Variants in VWA5A observed in about 807,000 individuals in gnomAD.
The protein encoded by VWA5A is von Willebrand factor A domain containing 5A.
VWA5A carries 77 observed loss-of-function variants against 84.6 expected under a neutral mutation model. That is an observed-to-expected ratio of 0.91 (90% confidence interval 0.76 to 1.10). VWA5A has a LOEUF of 1.10. Ranked by LOEUF, VWA5A falls within the 50% of genes least tolerant of loss-of-function variation. The pLI is 0.00. For synonymous variants in VWA5A, 334 were observed against 350.1 expected (o/e 0.95, Z 0.51); for missense variants, 973 against 963.0 (o/e 1.01, Z -0.14).
chr11:124,127,259 A>G (rs2137642204), intron 11 of VWA5A, among the ~76,000 whole-genome samples: 1 of 152,104 alleles, frequency 6.6e-6, no homozygotes, highest in East Asian at 1.9e-4. Context: ...AAGTGAGAAC[A>G]TGCAGTGTTT....
chr11:124,123,880 G>T, intron 10 of VWA5A, 76 bp downstream of exon 10: 2 of 1,488,564 alleles, frequency 1.3e-6, no homozygotes, highest in Non-Finnish European at 8.9e-7. Context: ...TGAGCTTCAT[G>T]CAGTATGTTG....
rs918398294 is a variant in VWA5A at position 124,146,168 on chromosome 11, C to G, written c.*223C>G. On this transcript the variant is annotated 3_prime_UTR_variant, in exon 19 of 19. Transcript: ENST00000456829. ...AGAAAAGTGACAGTGGTCCCAGAAC[C>G]TATTCCCTTTCTTGAGGGAGTTCAA... The G allele has an allele frequency of 7.0e-6, 3 of 430,960 alleles. No homozygotes were observed. Among genetic ancestry groups the G allele is most frequent in the Non-Finnish European group, 1.2e-5 (3 of 241,788 alleles). The allele number at this position is 430,960 out of a possible 1,614,324, so 26.7% of individuals were successfully genotyped here. A position where few individuals can be genotyped will look rare whatever the true frequency, so the allele number is the denominator to read the frequency against.
chr11:124,136,887 C>G, intron 14 of VWA5A, 128 bp from the exon 15 acceptor site: 1 of 1,337,032 alleles, frequency 7.5e-7, no homozygotes, highest in Non-Finnish European at 1.0e-6. Context: ...TCTAAACCAC[C>G]CAAGTCTTCT....
intron 6 of VWA5A, 37 bp from the exon 7 acceptor site, chr11:124,118,938 G>A: frequency 1.3e-6 from 2 of 1,599,514 alleles, no homozygotes; most frequent in Non-Finnish European, 1.7e-6. Flanking sequence ...AAGAAGTTAT[G>A]ATTCTAATGT....
rs1248821625 is a variant in VWA5A at position 124,122,999 on chromosome 11, A to G, written c.800A>G (p.Tyr267Cys). The G allele has an allele frequency of 1.2e-6, 2 of 1,614,100 alleles. No individual in the cohort carries two copies. The highest frequency in any genetic ancestry group is 1.7e-6 in the Non-Finnish European group (2 of 1,180,026). ...MGDPSAMVSF[Y>C]PNIPEDQPSN... ...GATCCATCTGCAATGGTGAGTTTCT[A>G]TCCAAATATCCCAGAAGATCAACCA... Residue 267 changes from tyrosine (Y) to cysteine (C), a missense_variant, in exon 8 of 19, where the codon TAT (tyrosine) becomes TGT (cysteine). Transcript: ENST00000456829.
At chr11:124,145,154 TG>T in intron 17 of VWA5A, 82 bp from the exon 18 acceptor site, 5 of 1,502,994 alleles carry the variant, frequency 3.3e-6, no homozygotes, top group Non-Finnish European at 4.5e-6. Flanking sequence ...TTTAGAAGGA[TG>T]CTAAGTGAGG....
chr11:124,135,858 C>T (rs1342639036), intron 12 of VWA5A, among the ~76,000 whole-genome samples: 1 of 152,104 alleles, frequency 6.6e-6, no homozygotes, highest in East Asian at 1.9e-4. Flanking sequence ...CTCCTCTTTC[C>T]CAGTAGGTGC....
Position 124,118,468 on chromosome 11 carries a change from C to G in VWA5A, c.469+57C>G. 3 of 1,610,920 alleles carry G rather than the reference C, an allele frequency of 1.9e-6. No homozygotes were observed. The Admixed American group carries it at 5.0e-5, about 27-fold the overall frequency. ...TGGGTGACATAAATGGGGAAATTTT[C>G]TTAAGGTTGAGAGTGTCATAAAAAG... is the stretch of plus-strand genomic sequence containing the variant. On this transcript the variant is annotated intron_variant, in intron 5 of 18. Transcript: ENST00000456829.
chr11:124,145,639 G>A (rs926011211), intron 18 of VWA5A, among the ~76,000 whole-genome samples: 2 of 152,190 alleles, frequency 1.3e-5, no homozygotes, highest in African/African-American at 4.8e-5. Flanking sequence ...ACCAAGCTGA[G>A]TAGAAGACTA....
At chr11:124,137,814 C>A (rs1355820774) in intron 15 of VWA5A, among the ~76,000 whole-genome samples, 1 of 152,186 alleles carries the variant, frequency 6.6e-6, no homozygotes, top group Non-Finnish European at 1.5e-5. Context: ...CTTTCTATCT[C>A]TATACATTTG....
At chr11:124,128,492 A>T (rs536681696) in intron 11 of VWA5A, among the ~76,000 whole-genome samples, 2 of 152,088 alleles carry the variant, frequency 1.3e-5, no homozygotes, top group African/African-American at 4.8e-5. Flanking sequence ...TCTTGGCTAT[A>T]TGGGCTCTTT....
At chr11:124,135,521 T>TC (rs1286249521) in intron 12 of VWA5A, among the ~76,000 whole-genome samples, 1,459 of 136,714 alleles carry the variant, frequency 0.011, 71 homozygotes, top group Middle Eastern at 0.016. Flanking sequence ...TGGTGGTATT[T>TC]CTTTTTTTTT....
In VWA5A at chr11:124,146,225, G is replaced by T; in HGVS notation, c.*280G>T. On this transcript the variant is annotated 3_prime_UTR_variant, in exon 19 of 19. Transcript: ENST00000456829. Reference sequence around the variant, plus strand: ...CATAGGCAGTAATGTTCCTCCCAGGGTTTCCAGGGAAACAACATGAAAAAC... The same window carrying T: ...CATAGGCAGTAATGTTCCTCCCAGGTTTTCCAGGGAAACAACATGAAAAAC... 1 of 283,604 alleles carries T rather than the reference G, an allele frequency of 3.5e-6. No individual in the cohort carries two copies. Among genetic ancestry groups the T allele is most frequent in the Non-Finnish European group, 6.6e-6 (1 of 151,394 alleles). The allele number at this position is 283,604 out of a possible 1,614,324, so 17.6% of individuals were successfully genotyped here.
rs11219463 is a variant in VWA5A, at chr11:124,119,696, A to G, written c.760+607A>G. On this transcript the variant is annotated intron_variant, in intron 7 of 18. Coordinates refer to ENST00000456829, the MANE Select transcript of VWA5A (RefSeq NM_001130142.2). ...TCTTATTGGCTAAATTTGCTATGCTAGGTATACTTCATGAGTTAATATGCA... is the reference window on the plus strand; with the variant it reads ...TCTTATTGGCTAAATTTGCTATGCTGGGTATACTTCATGAGTTAATATGCA... Among the ~76,000 whole-genome samples, 102 of 152,332 alleles carry G rather than the reference A, an allele frequency of 6.7e-4. 1 individual carries two copies. The East Asian group carries it at 0.016, about 23-fold the overall frequency.
In VWA5A at chr11:124,137,025, C is replaced by G. The variant is rs774547429; in HGVS notation, c.1636C>G (p.His546Asp). 4.3e-6 allele frequency: 7 copies of G among 1,611,190 alleles called. No individual in the cohort carries two copies. In the African/African-American group the frequency reaches 6.7e-5, roughly 15 times the overall value. ...TTTTTTTCCTTTCAGCCTCACCATT[C>G]ACCGCCTTGCTGCCAAGTCCTTGCT... ...QPKPDVNLTI[H>D]RLAAKSLLQT... Residue 546 changes from histidine (H) to aspartate (D), a missense_variant, in exon 15 of 19, where the codon CAC (histidine) becomes GAC (aspartate). By Grantham distance (81) the His-to-Asp change is moderately conservative. Coordinates refer to ENST00000456829, the MANE Select transcript of VWA5A (RefSeq NM_001130142.2).
intron 2 of VWA5A, chr11:124,117,248 C>G: frequency 3.6e-6 from 2 of 563,274 alleles, no homozygotes; most frequent in Non-Finnish European, 6.3e-6. Context: ...GAACCAGCCT[C>G]AGGGTGTTTC....
intron 11 of VWA5A, among the ~76,000 whole-genome samples, chr11:124,127,821 A>G (rs575646030): frequency 6.6e-6 from 1 of 152,244 alleles, no homozygotes; most frequent in African/African-American, 2.4e-5. Flanking sequence ...TCTTTTGGAA[A>G]GTGTCTGTTC....
intron 17 of VWA5A, among the ~76,000 whole-genome samples, chr11:124,144,259 T>C (rs1860778198): frequency 2.0e-5 from 3 of 152,006 alleles, no homozygotes; most frequent in Admixed American, 6.5e-5. Context: ...ACTCTACAGG[T>C]AGAGAAGAGA....
At chr11:124,125,299 T>G (rs1250681710) in intron 11 of VWA5A, among the ~76,000 whole-genome samples, 1 of 149,702 alleles carries the variant, frequency 6.7e-6, no homozygotes, top group Admixed American at 6.7e-5. Flanking sequence ...TTTTTTTTTC[T>G]TGAGATGGAG....
Sources: gnomAD v4.1 joint callset for allele counts (sites outside exome capture counted in the v4.1 genomes callset) on GRCh38, gnomAD v4.1.1 for gene constraint, MANE v1.5 for transcripts, NCBI Gene and HGNC (gene_info 2026-07-23, HGNC 2026-07-21) for gene names.